EIF5: variants seen among roughly 807,000 people sequenced by gnomAD.
EIF5 encodes eukaryotic translation initiation factor 5.
Under a neutral mutation model 48.3 loss-of-function variants are expected in EIF5, and 10 were observed. The observed-to-expected ratio is 0.21, with a 90% CI of 0.13 to 0.35. The LOEUF (loss-of-function observed/expected upper bound fraction) is 0.35. Among genes scored for constraint, EIF5 ranks in the 10% least tolerant of loss-of-function variants. EIF5 has a pLI of 1.00. For missense variants in EIF5, 397 were observed against 533.2 expected (o/e 0.74, Z 2.51); for synonymous variants, 237 against 173.1 (o/e 1.37, Z -2.90).
rs1169803696 is a variant in EIF5, at chr14:103,341,921, C to T, written c.*869C>T. ...GGGTGCACTTAACTAGCAACCTAAG[C>T]ATGATTTTTCAGCTTTTGCCCTTAG... is the stretch of plus-strand genomic sequence containing the variant. On this transcript the variant is annotated 3_prime_UTR_variant, in exon 12 of 12. Transcript: ENST00000216554. 6.6e-6 allele frequency: 1 copy of T among 152,608 alleles called. No individual in the cohort carries two copies. The highest frequency in any genetic ancestry group is 1.5e-5 in the Non-Finnish European group (1 of 68,024). 9.5% of individuals were successfully genotyped at this position (152,608 alleles called of 1,614,324 possible).
At chr14:103,335,550 G>A in intron 2 of EIF5, 103 bp from the exon 3 acceptor site, 1 of 420,666 alleles carries the variant, frequency 2.4e-6, no homozygotes, top group South Asian at 2.9e-5. Flanking sequence ...TTAAGGTGGA[G>A]TTAAGCAGAA....
In EIF5 at chr14:103,336,128, C is replaced by G. The variant is rs773479803; in HGVS notation, c.154+11C>G. On this transcript the variant is annotated intron_variant, in intron 4 of 11. Coordinates refer to ENST00000216554, the MANE Select transcript of EIF5 (RefSeq NM_001969.5). ...ATCGGCCTCCAACGTGTAAGTAAAG[C>G]TTGGAAAAGTCCACAGGGCATATTA... 1 of 1,613,382 alleles carries G rather than the reference C, an allele frequency of 6.2e-7. No individual in the cohort carries two copies. The highest frequency in any genetic ancestry group is 8.5e-7 in the Non-Finnish European group (1 of 1,179,550).
Position 103,334,537 on chromosome 14 carries a change from C to T in EIF5, c.-269C>T, listed in dbSNP as rs969367317. On this transcript the variant is annotated 5_prime_UTR_variant, in exon 2 of 12. Transcript: ENST00000216554. Reference sequence around the variant, plus strand: ...ACTCGGACTCGGGTTTATATCGCGCCTCACTTCATCCCAGTCCCGGGCGAG... The same window carrying T: ...ACTCGGACTCGGGTTTATATCGCGCTTCACTTCATCCCAGTCCCGGGCGAG... 1 of 152,098 alleles carries T rather than the reference C, an allele frequency of 6.6e-6. No individual in the cohort carries two copies. Among genetic ancestry groups the T allele is most frequent in the African/African-American group, 2.4e-5 (1 of 41,238 alleles). The allele number at this position is 152,098 out of a possible 1,614,324, so 9.4% of individuals were successfully genotyped here.
rs2089369607 is a variant in EIF5, at chr14:103,342,828, G to GC, written c.*1777dup. ...TTGCCTAGGTTTCAAATTCTTTGCCGCAAGGCTGATCTGCTTTCATTAACT... is the reference window on the plus strand; with the variant it reads ...TTGCCTAGGTTTCAAATTCTTTGCCGCCAAGGCTGATCTGCTTTCATTAACT... On this transcript the variant is annotated 3_prime_UTR_variant, in exon 12 of 12. Coordinates refer to ENST00000216554, the MANE Select transcript of EIF5 (RefSeq NM_001969.5). 1 of 152,540 alleles carries GC rather than the reference G, an allele frequency of 6.6e-6. No homozygotes were observed. The highest frequency in any genetic ancestry group is 1.5e-5 in the Non-Finnish European group (1 of 68,038). 9.4% of individuals were successfully genotyped at this position (152,540 alleles called of 1,614,324 possible). A position where few individuals can be genotyped will look rare whatever the true frequency, so the allele number is the denominator to read the frequency against.
At position 103,341,103 on chromosome 14, in the gene EIF5, A is replaced by C. The variant is rs1244757369; in HGVS notation, c.*51A>C. ...AGTATAATGCTGCAAATTTTCCTCC[A>C]TTATCAGCCAGAAGTGCAACATGTA... On this transcript the variant is annotated 3_prime_UTR_variant, in exon 12 of 12. Transcript: ENST00000216554. 2.6e-6 allele frequency: 4 copies of C among 1,563,346 alleles called. No individual in the cohort carries two copies. Among genetic ancestry groups the C allele is most frequent in the Non-Finnish European group, 3.5e-6 (4 of 1,135,030 alleles).
At chr14:103,336,626 C>T (rs1434922899) in intron 4 of EIF5, 51 bp from the exon 5 acceptor site, 6 of 1,524,186 alleles carry the variant, frequency 3.9e-6, no homozygotes, top group Admixed American at 2.3e-5. Flanking sequence ...GAGTGAGTAG[C>T]CAGAGATCTA....
rs2089337648 is a variant in EIF5, at chr14:103,340,264, A to C, written c.1072-163A>C. The C allele has an allele frequency of 4.1e-6, 3 of 726,156 alleles. No homozygotes were observed. In the Admixed American group the frequency reaches 7.1e-5, roughly 17 times the overall value. The allele number at this position is 726,156 out of a possible 1,614,324, so 45.0% of individuals were successfully genotyped here. On this transcript the variant is annotated intron_variant, in intron 10 of 11. Transcript: ENST00000216554. The stretch of plus-strand genomic sequence containing the variant: ...TTCGCATCATGTCAGATTTGTAGTC[A>C]TAACAGACTGCTGAGACTAACGTGT...
chr14:103,336,648 C>T (rs771156199), intron 4 of EIF5, 29 bp from the exon 5 acceptor site: 9 of 1,573,746 alleles, frequency 5.7e-6, no homozygotes, highest in African/African-American at 1.4e-5. Flanking sequence ...TTAACTGTAA[C>T]GATCCAAACT....
chr14:103,344,780 ATTAAG>A lies in EIF5; in HGVS notation c.*3733_*3737del, dbSNP rs1466551408. On this transcript the variant is annotated 3_prime_UTR_variant, in exon 12 of 12. Transcript: ENST00000216554. ...AAGCAGGGACATCTGAAAGAGACGTATTAAGTTAACATTTTTAAAAATCCAAATGA... is the reference window on the plus strand; with the variant it reads ...AAGCAGGGACATCTGAAAGAGACGTATTAACATTTTTAAAAATCCAAATGA... The A allele has an allele frequency of 1.2e-4, 19 of 152,260 alleles. No individual in the cohort carries two copies. The highest frequency in any genetic ancestry group is 7.8e-4 in the Admixed American group (12 of 15,292). 9.4% of individuals were successfully genotyped at this position (152,260 alleles called of 1,614,324 possible).
intron 9 of EIF5, 22 bp downstream of exon 9, chr14:103,339,355 C>A: frequency 6.3e-7 from 1 of 1,575,982 alleles, no homozygotes; most frequent in South Asian, 1.2e-5. Flanking sequence ...GCTCTGGATT[C>A]ATAAATGAGA....
chr14:103,337,928 G>A lies in EIF5; in HGVS notation c.440-399G>A, dbSNP rs377042799. On this transcript the variant is annotated intron_variant, in intron 6 of 11. Coordinates refer to ENST00000216554, the MANE Select transcript of EIF5 (RefSeq NM_001969.5). The stretch of plus-strand genomic sequence containing the variant: ...ATAGCAAGAAAGTCTAACCTATTCC[G>A]GTGTTCTCTCTCCCATGAGACAAGC... The A allele has an allele frequency of 7.4e-5, 39 of 526,584 alleles. 1 individual carries two copies. The highest frequency in any genetic ancestry group is 1.1e-4 in the Non-Finnish European group (30 of 265,484). The allele number at this position is 526,584 out of a possible 1,614,324, so 32.6% of individuals were successfully genotyped here.
chr14:103,339,849 G>C (rs1384681600), intron 10 of EIF5, 46 bp downstream of exon 10: 10 of 1,577,346 alleles, frequency 6.3e-6, no homozygotes, highest in Non-Finnish European at 8.6e-6. Context: ...GGTTTTGGGG[G>C]GTTTTTTTGT....
At position 103,344,703 on chromosome 14, in the gene EIF5, CTAAA is replaced by C. The variant is rs1483031342; in HGVS notation, c.*3652_*3655del. The C allele has an allele frequency of 6.6e-6, 1 of 151,870 alleles. No homozygotes were observed. Among genetic ancestry groups the C allele is most frequent in the African/African-American group, 2.4e-5 (1 of 41,334 alleles). The allele number at this position is 151,870 out of a possible 1,614,324, so 9.4% of individuals were successfully genotyped here. On this transcript the variant is annotated 3_prime_UTR_variant, in exon 12 of 12. Transcript: ENST00000216554. ...AACCTCTTTAAAAACGGTCAGTTAA[CTAAA>C]AAATAAAAATCAAGTCTTTAGGAGA...
In EIF5 at chr14:103,338,453, ATCC is replaced by A. The variant is rs1271788271; in HGVS notation, c.573_575del (p.Pro192del). ...CCACCACCACCACCAAATGAAATTAATCCTCCTCCACATACAATGGTGAGTGCA... is the reference window on the plus strand; with the variant it reads ...CCACCACCACCACCAAATGAAATTAATCCTCCACATACAATGGTGAGTGCA... On this transcript the variant is annotated inframe_deletion, in exon 7 of 12. Coordinates refer to ENST00000216554, the MANE Select transcript of EIF5 (RefSeq NM_001969.5). The A allele has an allele frequency of 5.1e-6, 8 of 1,575,982 alleles. No individual in the cohort carries two copies. Among genetic ancestry groups the A allele is most frequent in the African/African-American group, 1.4e-5 (1 of 73,424 alleles).
At chr14:103,336,324 G>C (rs2089285560) in intron 4 of EIF5, 1 of 635,252 alleles carries the variant, frequency 1.6e-6, no homozygotes. Flanking sequence ...GCTCACACCT[G>C]TAACCCCCAG....
Position 103,338,339 on chromosome 14 carries a change from G to A in EIF5, c.452G>A (p.Ser151Asn), listed in dbSNP as rs370744561. Residue 151 changes from serine to asparagine, a missense_variant, in exon 7 of 12, where the codon AGT (serine) becomes AAT (asparagine). By Grantham distance (46) the Ser-to-Asn change is conservative. Around this residue, in one of 4 missense-constraint regions of EIF5, gnomAD observed 126 missense variants for 141.9 expected, o/e 0.89. Coordinates refer to ENST00000216554, the MANE Select transcript of EIF5 (RefSeq NM_001969.5). ...ILKNPPENSDSGTGKKEKEKK... is the reference protein window; with the variant it reads ...ILKNPPENSDNGTGKKEKEKK... Reference sequence around the variant, plus strand: ...TTTTTTTCTGTAGAGAATAGTGACAGTGGTACAGGAAAGAAAGAAAAAGAA... The same window carrying A: ...TTTTTTTCTGTAGAGAATAGTGACAATGGTACAGGAAAGAAAGAAAAAGAA... 3 of 1,613,944 alleles carry A rather than the reference G, an allele frequency of 1.9e-6. No individual in the cohort carries two copies. The highest frequency in any genetic ancestry group is 2.2e-5 in the South Asian group (2 of 91,066).
At chr14:103,339,494 C>A in intron 9 of EIF5, 145 bp from the exon 10 acceptor site, 3 of 1,417,978 alleles carry the variant, frequency 2.1e-6, no homozygotes, top group East Asian at 2.3e-5. Context: ...TAGGCCCTTA[C>A]AAAGTAACAG....
intron 6 of EIF5, chr14:103,337,744 A>C: frequency 2.3e-6 from 1 of 429,828 alleles, no homozygotes; most frequent in Non-Finnish European, 4.5e-6. Context: ...ACATTATCTG[A>C]GGGTAGATGA....
chr14:103,340,884 C>A, intron 11 of EIF5, 79 bp from the exon 12 acceptor site: 1 of 1,451,344 alleles, frequency 6.9e-7, no homozygotes, highest in South Asian at 1.2e-5. Context: ...GTTTCCTCCT[C>A]TGTGACCACA....
Sources: gnomAD v4.1 joint callset for allele counts on GRCh38, gnomAD v4.1.1 for gene constraint, gnomAD v4.1.1 regional missense constraint, MANE v1.5 for transcripts, NCBI Gene and HGNC (gene_info 2026-07-23, HGNC 2026-07-21) for gene names.